CACNA1S: variants seen among roughly 807,000 people sequenced by gnomAD.
The protein encoded by CACNA1S is voltage-dependent L-type calcium channel subunit alpha-1S.
CACNA1S carries 126 observed loss-of-function variants against 207.4 expected under a neutral mutation model. That is an observed-to-expected ratio of 0.61 (90% confidence interval 0.53 to 0.70). CACNA1S has a LOEUF of 0.70. Among genes scored for constraint, CACNA1S ranks in the 30% least tolerant of loss-of-function variants. The pLI, the probability that CACNA1S is intolerant of heterozygous loss-of-function variation, is 0.00. For missense variants in CACNA1S, 2,349 were observed against 2,422.8 expected (o/e 0.97, Z 0.64); for synonymous variants, 960 against 932.7 (o/e 1.03, Z -0.53).
chr1:201,102,598 A>T (rs1394315556), intron 2 of CACNA1S, among the ~76,000 whole-genome samples: 1 of 152,180 alleles, frequency 6.6e-6, no homozygotes, highest in African/African-American at 2.4e-5. Flanking sequence ...GTCTGTGCGG[A>T]GCAGTCCATC....
intron 2 of CACNA1S, among the ~76,000 whole-genome samples, chr1:201,106,858 G>A (rs868659445): frequency 6.6e-6 from 1 of 152,202 alleles, no homozygotes; most frequent in African/African-American, 2.4e-5. Context: ...GAAACAGTAA[G>A]TACCCAGAAT....
At position 201,075,624 on chromosome 1, in the gene CACNA1S, A is replaced by C. The variant is rs753717675; in HGVS notation, c.1828-9T>G. 5.6e-6 allele frequency: 9 copies of C among 1,613,886 alleles called. No homozygotes were observed. Among genetic ancestry groups the C allele is most frequent in the Non-Finnish European group, 7.6e-6 (9 of 1,179,744 alleles). ...TCTTCCCCTGTCAGTACCTGTATGG[A>C]GGGAGGATAGAGGGCTCGGGAACAC... On this transcript the variant is annotated splice_polypyrimidine_tract_variant and intron_variant, in intron 12 of 43. Transcript: ENST00000362061.
At chr1:201,111,723 C>G (rs1312977951) in intron 1 of CACNA1S, among the ~76,000 whole-genome samples, 1 of 152,156 alleles carries the variant, frequency 6.6e-6, no homozygotes, top group Non-Finnish European at 1.5e-5. Context: ...GGTCCCTATC[C>G]TATTCTAAAA....
Position 201,043,421 on chromosome 1 carries a change from T to G in CACNA1S, c.4908A>C (p.Glu1636Asp), listed in dbSNP as rs1460660235. ...RPLQFAEIEM[E>D]EMESPVFLED... is the part of the protein sequence containing the mutation. ...CCAAGAAGACAGGTGACTCCATCTC[T>G]TCCATCTCTATCTCAGCAAACTGGA... The change falls in exon 40 of 44, where the codon GAA becomes GAC. Residue 1636 changes from glutamate (E) to aspartate (D), a missense_variant. Coordinates refer to ENST00000362061, the MANE Select transcript of CACNA1S (RefSeq NM_000069.3). 6.2e-7 allele frequency: 1 copy of G among 1,614,168 alleles called. No individual in the cohort carries two copies. The highest frequency in any genetic ancestry group is 1.1e-5 in the South Asian group (1 of 91,074).
chr1:201,091,290 A>T (rs550014861), intron 5 of CACNA1S, among the ~76,000 whole-genome samples: 1 of 152,310 alleles, frequency 6.6e-6, no homozygotes, highest in South Asian at 2.1e-4. Context: ...TAAAGCTAAA[A>T]CTATGCGACA....
rs1662156865 is a variant in CACNA1S, at chr1:201,089,532, A to T, written c.695-69T>A. 3.4e-6 allele frequency: 5 copies of T among 1,463,086 alleles called. No homozygotes were observed. In the South Asian group the frequency reaches 4.7e-5, roughly 14 times the overall value. 90.6% of individuals were successfully genotyped at this position (1,463,086 alleles called of 1,614,324 possible). ...TGGACAACGACAGGAGGAAAGGTGTATAAGAGCAATTTAAGAGAATTGAGC... is the reference window on the plus strand; with the variant it reads ...TGGACAACGACAGGAGGAAAGGTGTTTAAGAGCAATTTAAGAGAATTGAGC... On this transcript the variant is annotated intron_variant, in intron 5 of 43. Transcript: ENST00000362061.
Position 201,039,764 on chromosome 1 carries a change from A to C in CACNA1S, c.*67T>G, listed in dbSNP as rs1553247226. 6 of 1,595,264 alleles carry C rather than the reference A, an allele frequency of 3.8e-6. No individual in the cohort carries two copies. The highest frequency in any genetic ancestry group is 1.3e-5 in the African/African-American group (1 of 74,896). On this transcript the variant is annotated 3_prime_UTR_variant, in exon 44 of 44. Coordinates refer to ENST00000362061, the MANE Select transcript of CACNA1S (RefSeq NM_000069.3). ...TGCTGCGGTGGGCTAGCCCTTCTCC[A>C]CCCCAGCAACTTCCCCACCCCCATT...
chr1:201,111,646 C>T (rs1663108467), intron 1 of CACNA1S, among the ~76,000 whole-genome samples: 1 of 152,158 alleles, frequency 6.6e-6, no homozygotes, highest in Non-Finnish European at 1.5e-5. Context: ...CACCTCTGTC[C>T]ACTGTCACCC....
intron 40 of CACNA1S, among the ~76,000 whole-genome samples, chr1:201,042,278 G>T (rs533039593): frequency 6.6e-6 from 1 of 152,164 alleles, no homozygotes; most frequent in Non-Finnish European, 1.5e-5. Context: ...GAGATTTCAG[G>T]CATGCGCCAC....
chr1:201,067,097 G>A (rs1558065936), intron 19 of CACNA1S, 104 bp from the exon 20 acceptor site: 1 of 753,484 alleles, frequency 1.3e-6, no homozygotes, highest in Non-Finnish European at 2.4e-6. Context: ...ACTTACTGAG[G>A]CAATAGCCTT....
chr1:201,111,860 G>A (rs911810660), intron 1 of CACNA1S, among the ~76,000 whole-genome samples: 5 of 150,008 alleles, frequency 3.3e-5, no homozygotes, highest in African/African-American at 1.2e-4. Flanking sequence ...TTGTCATCCA[G>A]GACTTGGGTG....
Position 201,066,447 on chromosome 1 carries a change from C to G in CACNA1S, c.2658-131G>C. 1 of 774,776 alleles carries G rather than the reference C, an allele frequency of 1.3e-6. No individual in the cohort carries two copies. Among genetic ancestry groups the G allele is most frequent in the Middle Eastern group, 2.7e-4 (1 of 3,702 alleles). 48.0% of individuals were successfully genotyped at this position (774,776 alleles called of 1,614,324 possible). The stretch of plus-strand genomic sequence containing the variant: ...TGCCTGAAAACACTCCCACCTTCCC[C>G]TTCCCTTTCCTCCAGCCGTGAGAGT... On this transcript the variant is annotated intron_variant, in intron 20 of 43. Coordinates refer to ENST00000362061, the MANE Select transcript of CACNA1S (RefSeq NM_000069.3). The surrounding 1 kb of genome is among the most constrained non-coding windows in gnomAD (Gnocchi z 4.3).
intron 2 of CACNA1S, among the ~76,000 whole-genome samples, chr1:201,104,469 A>G (rs1414855288): frequency 6.6e-6 from 1 of 152,212 alleles, no homozygotes; most frequent in East Asian, 1.9e-4. Flanking sequence ...GATAACCCCA[A>G]TGGTTAGAGT....
In CACNA1S at chr1:201,085,001, T is replaced by C. The variant is rs1222641393; in HGVS notation, c.1181A>G (p.Asp394Gly). Residue 394 changes from aspartate (D) to glycine (G), a missense_variant, in exon 9 of 44, where the codon GAC becomes GGC. By Grantham distance (94) the Asp-to-Gly change is moderately conservative. Coordinates refer to ENST00000362061, the MANE Select transcript of CACNA1S (RefSeq NM_000069.3). Reference protein sequence around the residue: ...GKLSLDEGGSDTESLYEIAGL... With the variant: ...GKLSLDEGGSGTESLYEIAGL... ...TGCAATTTCATACAGGCTCTCTGTG[T>C]CAGAGCCACCTTCATCCAAAGACAG... is the stretch of plus-strand genomic sequence containing the variant. 1 of 1,612,234 alleles carries C rather than the reference T, an allele frequency of 6.2e-7. No homozygotes were observed. The highest frequency in any genetic ancestry group is 8.5e-7 in the Non-Finnish European group (1 of 1,179,800).
rs1558071032 is a variant in CACNA1S at position 201,075,605 on chromosome 1, CCT to C, written c.1836_1837del (p.Glu614ArgfsTer65). On this transcript the variant is annotated frameshift_variant, in exon 13 of 44. Coordinates refer to ENST00000362061, the MANE Select transcript of CACNA1S (RefSeq NM_000069.3). LOFTEE classifies it high-confidence loss of function. ...GTACATCATTGAGGTCCAGTCTTCC[CCT>C]GTCAGTACCTGTATGGAGGGAGGAT... The C allele has an allele frequency of 6.2e-7, 1 of 1,614,100 alleles. No homozygotes were observed. The highest frequency in any genetic ancestry group is 1.1e-5 in the South Asian group (1 of 91,074).
chr1:201,096,060 T>C (rs984054313), intron 2 of CACNA1S, among the ~76,000 whole-genome samples: 3 of 152,186 alleles, frequency 2.0e-5, no homozygotes, highest in African/African-American at 7.2e-5. Context: ...CCTGAAATAG[T>C]TTCAGTGCTC....
Position 201,077,139 on chromosome 1 carries a change from G to A in CACNA1S, c.1620-12C>T. The A allele has an allele frequency of 6.2e-7, 1 of 1,612,550 alleles. No individual in the cohort carries two copies. The highest frequency in any genetic ancestry group is 8.5e-7 in the Non-Finnish European group (1 of 1,178,826). ...GCGACGTCCAATATCTGAAGGAAGA[G>A]GAGGCACAAGGTGGGAGGAGACAGA... On this transcript the variant is annotated splice_polypyrimidine_tract_variant and intron_variant, in intron 11 of 43. Transcript: ENST00000362061.
chr1:201,085,420 G>A lies in CACNA1S; in HGVS notation c.1150+16C>T, dbSNP rs1662004853. The stretch of plus-strand genomic sequence containing the variant: ...GAGAGTGGGGTGAGTGCTGACCACA[G>A]CCTTTGGGCCCAAACCTTCTCTGAA... On this transcript the variant is annotated intron_variant, in intron 8 of 43. Transcript: ENST00000362061. 6.2e-7 allele frequency: 1 copy of A among 1,613,930 alleles called. No homozygotes were observed. The highest frequency in any genetic ancestry group is 8.5e-7 in the Non-Finnish European group (1 of 1,180,002).
At chr1:201,094,838 A>G (rs1662359542) in intron 2 of CACNA1S, among the ~76,000 whole-genome samples, 1 of 152,046 alleles carries the variant, frequency 6.6e-6, no homozygotes, top group Non-Finnish European at 1.5e-5. Context: ...CCGACACTCC[A>G]GGACCTGTCC....
Sources: allele counts gnomAD v4.1 joint callset (sites outside exome capture counted in the v4.1 genomes callset), GRCh38; gene constraint gnomAD v4.1.1; non-coding constraint Gnocchi (gnomAD v3.1); transcripts MANE v1.5; gene names NCBI Gene and HGNC (gene_info 2026-07-23, HGNC 2026-07-21).